The following BCKDHB variants were observed in gnomAD, a reference collection of about 807,000 sequenced individuals.
BCKDHB encodes branched chain keto acid dehydrogenase E1 subunit beta.
In BCKDHB, 41 loss-of-function variants were observed where a neutral mutation model predicts 48.5. The ratio of observed to expected loss-of-function variants is 0.85; its 90% CI spans 0.66 to 1.10. BCKDHB has a LOEUF of 1.10. Among genes scored for constraint, BCKDHB ranks in the 50% least tolerant of loss-of-function variants. The probability of loss-of-function intolerance (pLI) is 0.00; values close to 1 mark genes in which losing one functional copy is unlikely to be tolerated. For synonymous variants in BCKDHB, 201 were observed against 174.8 expected (o/e 1.15, Z -1.18); for missense variants, 496 against 494.2 (o/e 1.00, Z -0.03).
the BCKDHB span, among the ~76,000 whole-genome samples, chr6:80,401,790 T>A: frequency 6.6e-6 from 1 of 151,892 alleles, no homozygotes; most frequent in South Asian, 2.1e-4. Context: ...TCTGTGAGTT[T>A]GAATATTTTA....
At chr6:80,260,109 G>A (rs571443017) in intron 8 of BCKDHB, among the ~76,000 whole-genome samples, 1 of 152,008 alleles carries the variant, frequency 6.6e-6, no homozygotes, top group African/African-American at 2.4e-5. Context: ...CATACCTGTT[G>A]ATATACTGGT....
intron 3 of BCKDHB, among the ~76,000 whole-genome samples, chr6:80,160,292 G>C (rs928318376): frequency 6.6e-6 from 1 of 152,090 alleles, no homozygotes; most frequent in African/African-American, 2.4e-5. Flanking sequence ...AAGTAGCTGG[G>C]TTTACAGGCA....
intron 8 of BCKDHB, among the ~76,000 whole-genome samples, chr6:80,240,991 T>A (rs1425302844): frequency 1.3e-5 from 2 of 152,112 alleles, no homozygotes; most frequent in Admixed American, 1.3e-4. Flanking sequence ...TCACTTCACT[T>A]CATTCATCTG....
At chr6:80,372,761 G>A in the BCKDHB span, among the ~76,000 whole-genome samples, 56,622 of 151,754 alleles carry the variant, frequency 0.37, 12,084 homozygotes, top group East Asian at 0.66. Context: ...TTATTGACTT[G>A]AGTATGTTAA....
the BCKDHB span, among the ~76,000 whole-genome samples, chr6:80,455,006 G>A: frequency 1.3e-5 from 2 of 152,100 alleles, no homozygotes; most frequent in African/African-American, 4.8e-5. Context: ...ACTTCTGCTG[G>A]AAAATGTCTT....
chr6:80,117,320 T>G (rs546055110), intron 1 of BCKDHB, among the ~76,000 whole-genome samples: 1 of 152,382 alleles, frequency 6.6e-6, no homozygotes, highest in East Asian at 1.9e-4. Context: ...AATGTTTACT[T>G]TGTATGATTT....
chr6:80,443,748 A>G, the BCKDHB span, among the ~76,000 whole-genome samples: 1 of 152,082 alleles, frequency 6.6e-6, no homozygotes, highest in Non-Finnish European at 1.5e-5. Context: ...GGCTTAAGGA[A>G]TCCTCCTGCT....
chr6:80,423,331 T>G, the BCKDHB span, among the ~76,000 whole-genome samples: 1 of 152,176 alleles, frequency 6.6e-6, no homozygotes, highest in African/African-American at 2.4e-5. Flanking sequence ...TTACCCAGTC[T>G]CAGGTAGTAT....
the BCKDHB span, among the ~76,000 whole-genome samples, chr6:80,436,147 CTTTTTT>C: frequency 1.4e-3 from 97 of 70,370 alleles, no homozygotes; most frequent in African/African-American, 3.7e-3. Flanking sequence ...AAATTCTTTT[CTTTTTT>C]TTTTTTTTTT....
At chr6:80,224,971 A>G (rs1008106601) in intron 8 of BCKDHB, among the ~76,000 whole-genome samples, 23 of 152,202 alleles carry the variant, frequency 1.5e-4, no homozygotes, top group African/African-American at 5.1e-4. Context: ...TCTAGTTGTT[A>G]CAGTTTTCCA....
intron 8 of BCKDHB, among the ~76,000 whole-genome samples, chr6:80,225,301 A>T (rs1775635435): frequency 6.6e-6 from 1 of 152,114 alleles, no homozygotes; most frequent in Admixed American, 6.5e-5. Context: ...GGAGATATAT[A>T]CTTTCTATAC....
At chr6:80,418,319 C>A in the BCKDHB span, among the ~76,000 whole-genome samples, 1 of 152,148 alleles carries the variant, frequency 6.6e-6, no homozygotes, top group Non-Finnish European at 1.5e-5. Flanking sequence ...GTTCAGAACC[C>A]CTGCTAGAGA....
intron 3 of BCKDHB, among the ~76,000 whole-genome samples, chr6:80,162,526 C>T (rs1277414368): frequency 1.3e-5 from 2 of 152,180 alleles, no homozygotes; most frequent in South Asian, 2.1e-4. Flanking sequence ...TTCCCATCAG[C>T]CTGCAAATAT....
intron 3 of BCKDHB, among the ~76,000 whole-genome samples, chr6:80,148,875 A>G (rs1771617975): frequency 6.6e-6 from 1 of 152,224 alleles, no homozygotes; most frequent in Non-Finnish European, 1.5e-5. Context: ...CCTAGAAGAA[A>G]GCCTAGGCAT....
At chr6:80,393,267 C>G in the BCKDHB span, among the ~76,000 whole-genome samples, 1 of 152,130 alleles carries the variant, frequency 6.6e-6, no homozygotes, top group Non-Finnish European at 1.5e-5. Flanking sequence ...ATTAGTTTCA[C>G]TTTTCTTTGG....
chr6:80,224,950 T>C (rs899150374), intron 8 of BCKDHB, among the ~76,000 whole-genome samples: 1 of 152,202 alleles, frequency 6.6e-6, no homozygotes, highest in East Asian at 1.9e-4. Context: ...CCAGTTCTTT[T>C]GTTGTGCGGT....
chr6:80,136,883 T>C (rs1770914541), intron 3 of BCKDHB, among the ~76,000 whole-genome samples: 1 of 152,136 alleles, frequency 6.6e-6, no homozygotes, highest in Non-Finnish European at 1.5e-5. Context: ...CATCAATTAT[T>C]AGGAAATGCA....
chr6:80,442,701 C>T, the BCKDHB span, among the ~76,000 whole-genome samples: 1 of 152,144 alleles, frequency 6.6e-6, no homozygotes, highest in Non-Finnish European at 1.5e-5. Context: ...CATTAACACA[C>T]TCAAGGCTAA....
chr6:80,160,305 C>T (rs1338022527), intron 3 of BCKDHB, among the ~76,000 whole-genome samples: 3 of 152,072 alleles, frequency 2.0e-5, no homozygotes, highest in South Asian at 4.1e-4. Flanking sequence ...TACAGGCATG[C>T]ACCACCACAC....
Sources: gnomAD v4.1 joint callset for allele counts (sites outside exome capture counted in the v4.1 genomes callset) on GRCh38, gnomAD v4.1.1 for gene constraint, MANE v1.5 for transcripts, NCBI Gene and HGNC (gene_info 2026-07-23, HGNC 2026-07-21) for gene names.